Variants in ARHGAP8 observed in about 807,000 individuals in gnomAD.
The protein encoded by ARHGAP8 is Rho GTPase activating protein 8.
A neutral mutation model predicts 46.1 loss-of-function variants in ARHGAP8; 62 were observed. The ratio of observed to expected loss-of-function variants is 1.34; its 90% CI spans 1.10 to 1.66. ARHGAP8 has a LOEUF of 1.66. Ranked by LOEUF, ARHGAP8 falls within the 40% of genes most tolerant of loss-of-function variation. ARHGAP8 has a pLI of 0.00. For missense variants in ARHGAP8, 923 were observed against 568.4 expected (o/e 1.62, Z -6.34); for synonymous variants, 375 against 243.1 (o/e 1.54, Z -5.05).
intron 3 of ARHGAP8, 71 bp from the exon 4 acceptor site, chr22:44,808,236 T>G (rs1334858284): frequency 6.4e-7 from 1 of 1,563,636 alleles, no homozygotes; most frequent in Non-Finnish European, 8.7e-7. Flanking sequence ...GCTTCCATTA[T>G]AGGGAAAGCA....
chr22:44,817,473 A>C (rs1227533755), intron 5 of ARHGAP8, among the ~76,000 whole-genome samples: 1 of 152,228 alleles, frequency 6.6e-6, no homozygotes, highest in African/African-American at 2.4e-5. Context: ...CATATTTGAC[A>C]TAGCAAAAAA....
At chr22:44,860,098 T>C (rs1037357586) in intron 11 of ARHGAP8, among the ~76,000 whole-genome samples, 1 of 152,122 alleles carries the variant, frequency 6.6e-6, no homozygotes, top group African/African-American at 2.4e-5. Flanking sequence ...CCAGTGACTT[T>C]TGTTATTGGG....
intron 1 of ARHGAP8, among the ~76,000 whole-genome samples, chr22:44,756,633 C>A (rs1380142582): frequency 6.8e-6 from 1 of 146,940 alleles, no homozygotes; most frequent in Non-Finnish European, 1.5e-5. Context: ...CACCCTTCCA[C>A]CCTCTCACCC....
chr22:44,813,541 TAC>T (rs1417598570), intron 4 of ARHGAP8, among the ~76,000 whole-genome samples: 1 of 151,644 alleles, frequency 6.6e-6, no homozygotes, highest in African/African-American at 2.4e-5. Context: ...ACGTATACTA[TAC>T]ACTTATATAC....
chr22:44,791,133 A>T (rs1369830459), intron 2 of ARHGAP8, among the ~76,000 whole-genome samples: 1 of 152,090 alleles, frequency 6.6e-6, no homozygotes, highest in African/African-American at 2.4e-5. Flanking sequence ...CCCAGCAAAA[A>T]GAAAACTAAT....
chr22:44,755,579 T>C lies in ARHGAP8; in HGVS notation c.-72+2952T>C, dbSNP rs529852775. Among the ~76,000 whole-genome samples the C allele has an allele frequency of 1.6e-4, 24 of 152,218 alleles. 1 individual carries two copies. Among genetic ancestry groups the C allele is most frequent in the Non-Finnish European group, 2.9e-4 (20 of 68,032 alleles). ...GGGACTTAGCTGCAGGAGAGCGCGC[T>C]GCTCCGGAGTCCTGCCCCAGCTGCC... On this transcript the variant is annotated intron_variant, in intron 1 of 11. Transcript: ENST00000356099.
intron 4 of ARHGAP8, among the ~76,000 whole-genome samples, chr22:44,810,300 G>A (rs1366661100): frequency 6.7e-6 from 1 of 148,232 alleles, no homozygotes; most frequent in African/African-American, 2.5e-5. Flanking sequence ...GGAGCACAGT[G>A]GCGAGATCTC....
intron 10 of ARHGAP8, among the ~76,000 whole-genome samples, chr22:44,855,398 C>G (rs1185207456): frequency 2.0e-5 from 3 of 151,940 alleles, no homozygotes; most frequent in Non-Finnish European, 2.9e-5. Flanking sequence ...CTCCTGGGCT[C>G]AAGTGATCTC....
intron 2 of ARHGAP8, among the ~76,000 whole-genome samples, chr22:44,795,329 C>G (rs978623673): frequency 6.6e-6 from 1 of 152,126 alleles, no homozygotes; most frequent in Non-Finnish European, 1.5e-5. Context: ...GCCCTGGGAC[C>G]CTCTTACCCT....
At chr22:44,768,348 G>A (rs1925747071) in intron 1 of ARHGAP8, among the ~76,000 whole-genome samples, 1 of 151,880 alleles carries the variant, frequency 6.6e-6, no homozygotes. Context: ...CACCCAGGCT[G>A]AAGGGCAGTG....
rs766034756 is a variant in ARHGAP8 at position 44,862,454 on chromosome 22, TGGGGAGCACGGCCTGGCACCATGGGAACA to T, written c.1170_1198del (p.His390GlnfsTer75). On this transcript the variant is annotated frameshift_variant, in exon 12 of 12. Coordinates refer to ENST00000356099, the MANE Select transcript of ARHGAP8 (RefSeq NM_181335.3). LOFTEE classifies it low-confidence loss of function (END_TRUNC). ...AGATCTTCAGCACCCCGGAGGCACCTGGGGAGCACGGCCTGGCACCATGGGAACAGGGGAGCAGGGCAGCCCCTTTGCAG... is the reference window on the plus strand; with the variant it reads ...AGATCTTCAGCACCCCGGAGGCACCTGGGGAGCAGGGCAGCCCCTTTGCAG... 5.6e-6 allele frequency: 9 copies of T among 1,613,894 alleles called. No homozygotes were observed. The African/African-American group carries it at 8.0e-5, about 14-fold the overall frequency.
At chr22:44,823,497 G>A (rs1056604460) in intron 6 of ARHGAP8, among the ~76,000 whole-genome samples, 3 of 152,114 alleles carry the variant, frequency 2.0e-5, no homozygotes, top group African/African-American at 4.8e-5. Flanking sequence ...GTTGGTGAAC[G>A]TGAAGCTGGA....
intron 1 of ARHGAP8, among the ~76,000 whole-genome samples, chr22:44,753,469 C>T (rs1924413079): frequency 6.6e-6 from 1 of 152,104 alleles, no homozygotes; most frequent in Non-Finnish European, 1.5e-5. Context: ...GATCCGTCTT[C>T]CTGGGCCTCC....
At chr22:44,842,381 A>C (rs1378543007) in intron 7 of ARHGAP8, among the ~76,000 whole-genome samples, 1 of 151,208 alleles carries the variant, frequency 6.6e-6, no homozygotes, top group Non-Finnish European at 1.5e-5. Flanking sequence ...AACAAACAAA[A>C]ACAGCACAGG....
At chr22:44,766,480 G>A (rs951357503) in intron 1 of ARHGAP8, among the ~76,000 whole-genome samples, 1 of 151,828 alleles carries the variant, frequency 6.6e-6, no homozygotes, top group Non-Finnish European at 1.5e-5. Flanking sequence ...CTGTGCATAT[G>A]TGTGTCTCTG....
Position 44,854,024 on chromosome 22 carries a change from CAAAAAAAAAAAAAAAAAAAA to C in ARHGAP8, c.877+4983_877+5002del, listed in dbSNP as rs71315119. On this transcript the variant is annotated intron_variant, in intron 10 of 11. Transcript: ENST00000356099. ...CCTGGGACACAGCGAGACTCTGTCT[CAAAAAAAAAAAAAAAAAAAA>C]AAAAAAAAAAAAAAAAAACCATCAG... Among the ~76,000 whole-genome samples, 206 of 43,300 alleles carry C rather than the reference CAAAAAAAAAAAAAAAAAAAA, an allele frequency of 4.8e-3. 1 individual carries two copies. Among genetic ancestry groups the C allele is most frequent in the Non-Finnish European group, 6.5e-3 (163 of 25,158 alleles). 28.4% of individuals were successfully genotyped at this position (43,300 alleles called of 152,430 possible).
chr22:44,826,124 G>A (rs1402618734), intron 7 of ARHGAP8, among the ~76,000 whole-genome samples: 1 of 151,756 alleles, frequency 6.6e-6, no homozygotes, highest in East Asian at 1.9e-4. Flanking sequence ...GGGGTGTGTC[G>A]TGCTAGGAGG....
intron 2 of ARHGAP8, among the ~76,000 whole-genome samples, chr22:44,794,361 A>G (rs945774062): frequency 1.3e-5 from 2 of 152,160 alleles, no homozygotes; most frequent in African/African-American, 4.8e-5. Flanking sequence ...AGAGGAAGAG[A>G]TTCTACCCTG....
At chr22:44,762,639 G>A (rs1276111898) in intron 1 of ARHGAP8, among the ~76,000 whole-genome samples, 1 of 151,072 alleles carries the variant, frequency 6.6e-6, no homozygotes, top group East Asian at 2.0e-4. Context: ...CACCTCTCGG[G>A]TTCAAGCGAT....
Sources: gnomAD v4.1 joint callset for allele counts (sites outside exome capture counted in the v4.1 genomes callset) on GRCh38, gnomAD v4.1.1 for gene constraint, MANE v1.5 for transcripts, NCBI Gene and HGNC (gene_info 2026-07-23, HGNC 2026-07-21) for gene names.